The following SMIM24 variants were observed in gnomAD, a reference collection of about 807,000 sequenced individuals.
SMIM24 encodes small integral membrane protein 24.
Under a neutral mutation model 10.8 loss-of-function variants are expected in SMIM24, and 6 were observed. That is an observed-to-expected ratio of 0.55 (90% CI 0.30 to 1.09). The LOEUF is 1.09. Ranked by LOEUF, SMIM24 falls within the 50% of genes least tolerant of loss-of-function variation. The pLI is 0.06. For synonymous variants in SMIM24, 71 were observed against 62.4 expected (o/e 1.14, Z -0.65); for missense variants, 151 against 153.4 (o/e 0.98, Z 0.08).
At position 3,478,402 on chromosome 19, in the gene SMIM24, A is replaced by G; in HGVS notation, c.239+17T>C. ...GGAGGGGTTCACACAGACCCCCAGC[A>G]TCCGCACGCATAGTACCTCTGGTCC... On this transcript the variant is annotated intron_variant, in intron 3 of 3. Coordinates refer to ENST00000215531, the MANE Select transcript of SMIM24 (RefSeq NM_001136503.2). 6.5e-7 allele frequency: 1 copy of G among 1,546,410 alleles called. No individual in the cohort carries two copies. The highest frequency in any genetic ancestry group is 8.7e-7 in the Non-Finnish European group (1 of 1,144,978).
Position 3,474,679 on chromosome 19 carries a change from C to T in SMIM24, c.*164G>A, listed in dbSNP as rs1363791858. On this transcript the variant is annotated 3_prime_UTR_variant, in exon 4 of 4. Transcript: ENST00000215531. ...GAAAACCATGTTTGCCCAGAGAGCC[C>T]CCAATGAGGGAGGTGGGGTGGGTTC... 3 of 834,796 alleles carry T rather than the reference C, an allele frequency of 3.6e-6. No individual in the cohort carries two copies. The highest frequency in any genetic ancestry group is 1.7e-5 in the African/African-American group (1 of 58,144). The allele number at this position is 834,796 out of a possible 1,614,324, so 51.7% of individuals were successfully genotyped here. A position where few individuals can be genotyped will look rare whatever the true frequency, so the allele number is the denominator to read the frequency against.
Position 3,474,601 on chromosome 19 carries a change from C to T in SMIM24, c.*242G>A, listed in dbSNP as rs1038635682. 4.7e-5 allele frequency: 24 copies of T among 514,114 alleles called. No homozygotes were observed. The highest frequency in any genetic ancestry group is 3.2e-4 in the African/African-American group (17 of 52,522). 31.8% of individuals were successfully genotyped at this position (514,114 alleles called of 1,614,324 possible). ...TGTCTCCTCAACCAGGGATGCTCTC[C>T]GAGTATAAGAAGAATCACCAGGCAG... On this transcript the variant is annotated 3_prime_UTR_variant, in exon 4 of 4. Coordinates refer to ENST00000215531, the MANE Select transcript of SMIM24 (RefSeq NM_001136503.2).
intron 3 of SMIM24, among the ~76,000 whole-genome samples, chr19:3,477,642 G>A (rs2082799362): frequency 7.0e-6 from 1 of 143,536 alleles, no homozygotes; most frequent in Non-Finnish European, 1.5e-5. Context: ...GAATGGGTGA[G>A]TGGGTGGATG....
chr19:3,478,886 C>T lies in SMIM24; in HGVS notation c.111G>A (p.Ala37=), dbSNP rs369446312. 1.3e-5 allele frequency: 20 copies of T among 1,549,828 alleles called. No homozygotes were observed. In the African/African-American group the frequency reaches 1.5e-4, roughly 12 times the overall value. The stretch of plus-strand genomic sequence containing the variant: ...AGACGATGAACAGGAAGCCGACTAC[C>T]GCAGCCAGGCCCACCAGCCACGGCT... The part of the protein sequence containing the change: ...RLKPWLVGLA[A]VVGFLFIVYL... Residue 37 remains alanine (A), a synonymous_variant, in exon 2 of 4, where the codon GCG becomes GCA. Transcript: ENST00000215531.
intron 1 of SMIM24, among the ~76,000 whole-genome samples, chr19:3,479,665 A>C (rs1025123594): frequency 9.7e-6 from 1 of 102,886 alleles, no homozygotes; most frequent in African/African-American, 3.9e-5. Context: ...AGTGAGAAGG[A>C]GGGGCTTACA....
In SMIM24 at chr19:3,474,808, C is replaced by T; in HGVS notation, c.*35G>A. 1 of 1,546,490 alleles carries T rather than the reference C, an allele frequency of 6.5e-7. No individual in the cohort carries two copies. The highest frequency in any genetic ancestry group is 8.7e-7 in the Non-Finnish European group (1 of 1,145,388). On this transcript the variant is annotated 3_prime_UTR_variant, in exon 4 of 4. Transcript: ENST00000215531. ...CTTTTAGGGGGCAGAAGAGGCATCT[C>T]TGGGGGACTGCCTGGAAGAGGCAGC... is the stretch of plus-strand genomic sequence containing the variant.
rs1202294155 is a variant in SMIM24, at chr19:3,479,093, G to A, written c.68-164C>T. The A allele has an allele frequency of 4.3e-5, 25 of 585,572 alleles. No homozygotes were observed. In the Admixed American group the frequency reaches 7.1e-4, roughly 17 times the overall value. 36.3% of individuals were successfully genotyped at this position (585,572 alleles called of 1,614,324 possible). ...GAGACCTGGATGGCGTAGGGGGGTCGGGAGGGTTTAGAGAGGGGGAGGGTA... is the reference window on the plus strand; with the variant it reads ...GAGACCTGGATGGCGTAGGGGGGTCAGGAGGGTTTAGAGAGGGGGAGGGTA... On this transcript the variant is annotated intron_variant, in intron 1 of 3. Transcript: ENST00000215531.
In SMIM24 at chr19:3,478,469, G is replaced by C. The variant is rs200625720; in HGVS notation, c.189C>G (p.Asp63Glu). The change falls in exon 3 of 4, where the codon GAC becomes GAG. Residue 63 changes from aspartate to glutamate, a missense_variant. Physicochemically the swap from Asp to Glu is conservative, Grantham distance 45 (BLOSUM62 2). Coordinates refer to ENST00000215531, the MANE Select transcript of SMIM24 (RefSeq NM_001136503.2). ...RLWCSKARAE[D>E]EEETTFRMES... Reference sequence around the variant, plus strand: ...CCATTCTGAACGTGGTCTCCTCCTCGTCCTCAGCCCTGCAGAGATAAAGGG... The same window carrying C: ...CCATTCTGAACGTGGTCTCCTCCTCCTCCTCAGCCCTGCAGAGATAAAGGG... The C allele has an allele frequency of 3.2e-6, 5 of 1,548,720 alleles. No individual in the cohort carries two copies. Among genetic ancestry groups the C allele is most frequent in the Non-Finnish European group, 4.4e-6 (5 of 1,146,286 alleles).
At chr19:3,478,686 G>T in intron 2 of SMIM24, 132 bp downstream of exon 2, 1 of 852,102 alleles carries the variant, frequency 1.2e-6, no homozygotes, top group Non-Finnish European at 1.8e-6. Context: ...TCTGAGAGTA[G>T]AGGTTGGAGG....
intron 2 of SMIM24, 149 bp from the exon 3 acceptor site, chr19:3,478,627 T>A: frequency 1.1e-6 from 1 of 910,428 alleles, no homozygotes; most frequent in Non-Finnish European, 1.6e-6. Context: ...CTGGGCTGCC[T>A]GGCTCGTTGT....
chr19:3,475,567 A>G (rs1372462522), intron 3 of SMIM24, among the ~76,000 whole-genome samples: 1 of 135,560 alleles, frequency 7.4e-6, no homozygotes, highest in Non-Finnish European at 1.6e-5. Context: ...TGGATGATGA[A>G]TGGATGAGTA....
chr19:3,479,215 G>T, intron 1 of SMIM24: 1 of 338,602 alleles, frequency 3.0e-6, no homozygotes, highest in South Asian at 6.0e-5. Context: ...AATCAGGAGG[G>T]CTCAGAAGGG....
chr19:3,480,100 A>G (rs1215622658), intron 1 of SMIM24, among the ~76,000 whole-genome samples: 1 of 145,884 alleles, frequency 6.9e-6, no homozygotes, highest in Non-Finnish European at 1.5e-5. Context: ...GGGCTTGTAA[A>G]GGAGGCCCGA....
intron 3 of SMIM24, among the ~76,000 whole-genome samples, 160 bp downstream of exon 3, chr19:3,478,259 T>A (rs1005002034): frequency 6.6e-6 from 1 of 152,090 alleles, no homozygotes; most frequent in Non-Finnish European, 1.5e-5. Flanking sequence ...GACTAGGGAC[T>A]GGAGGAGGAG....
At chr19:3,478,357 C>T in intron 3 of SMIM24, 62 bp downstream of exon 3, 1 of 1,454,266 alleles carries the variant, frequency 6.9e-7, no homozygotes, top group South Asian at 1.2e-5. Flanking sequence ...CATCTGCGCA[C>T]ACCCATTCCC....
intron 1 of SMIM24, among the ~76,000 whole-genome samples, chr19:3,479,346 C>T (rs1471798347): frequency 8.4e-6 from 1 of 118,756 alleles, no homozygotes; most frequent in Admixed American, 1.0e-4. Context: ...AGAACAAGCT[C>T]AGGGGAGGGG....
In SMIM24 at chr19:3,474,824, A is replaced by C; in HGVS notation, c.*19T>G. ...GAGGCATCTCTGGGGGACTGCCTGG[A>C]AGAGGCAGCCAGGAATCTTCACATG... On this transcript the variant is annotated 3_prime_UTR_variant, in exon 4 of 4. Transcript: ENST00000215531. 6.5e-7 allele frequency: 1 copy of C among 1,549,634 alleles called. No individual in the cohort carries two copies. The highest frequency in any genetic ancestry group is 8.7e-7 in the Non-Finnish European group (1 of 1,146,418).
At position 3,474,120 on chromosome 19, in the gene SMIM24, C is replaced by G. The variant is rs2082783471; in HGVS notation, c.*723G>C. ...AGATATTGCAGGGCCCTGGGGCACC[C>G]CCACCCTCCAAGATACAGCTCCCAG... On this transcript the variant is annotated 3_prime_UTR_variant, in exon 4 of 4. Transcript: ENST00000215531. The G allele has an allele frequency of 6.6e-6, 1 of 151,486 alleles. No homozygotes were observed. Among genetic ancestry groups the G allele is most frequent in the African/African-American group, 2.4e-5 (1 of 41,272 alleles). 9.4% of individuals were successfully genotyped at this position (151,486 alleles called of 1,614,324 possible). A position where few individuals can be genotyped will look rare whatever the true frequency, so the allele number is the denominator to read the frequency against.
intron 1 of SMIM24, among the ~76,000 whole-genome samples, chr19:3,480,152 G>C (rs2082812249): frequency 6.6e-6 from 1 of 151,180 alleles, no homozygotes. Flanking sequence ...GTTCAGCCAG[G>C]TGTGCTCAGA....
Sources: allele counts gnomAD v4.1 joint callset (sites outside exome capture counted in the v4.1 genomes callset), GRCh38; gene constraint gnomAD v4.1.1; transcripts MANE v1.5; gene names NCBI Gene and HGNC (gene_info 2026-07-23, HGNC 2026-07-21).